Variants in NBAS observed in about 807,000 individuals in gnomAD.
The protein encoded by NBAS is NBAS subunit of NRZ tethering complex.
A neutral mutation model predicts 302.5 loss-of-function variants in NBAS; 219 were observed. That is an observed-to-expected ratio of 0.72 (90% confidence interval 0.65 to 0.81). The LOEUF (loss-of-function observed/expected upper bound fraction) is 0.81. Ranked by LOEUF, NBAS falls within the 30% of genes least tolerant of loss-of-function variation. The probability of loss-of-function intolerance (pLI) is 0.00; values close to 1 mark genes in which losing one functional copy is unlikely to be tolerated. For missense variants in NBAS, 2,932 were observed against 2,841.6 expected (o/e 1.03, Z -0.72); for synonymous variants, 1,118 against 1,021.6 (o/e 1.09, Z -1.80).
intron 45 of NBAS, among the ~76,000 whole-genome samples, chr2:15,235,001 T>C (rs1258342459): frequency 6.6e-6 from 1 of 152,096 alleles, no homozygotes; most frequent in African/African-American, 2.4e-5. Context: ...CAAAATGAGG[T>C]TGAGGAAAAT....
the NBAS span, among the ~76,000 whole-genome samples, chr2:14,793,573 A>C: frequency 6.6e-6 from 1 of 152,164 alleles, no homozygotes; most frequent in Non-Finnish European, 1.5e-5. Flanking sequence ...ATGTGGGGCA[A>C]TTATGAAAGA....
the NBAS span, among the ~76,000 whole-genome samples, chr2:15,131,337 C>T: frequency 1.2e-4 from 19 of 152,182 alleles, no homozygotes; most frequent in African/African-American, 3.6e-4. Flanking sequence ...TTTCCTTCTG[C>T]GACCTCTATT....
At chr2:15,540,234 G>A (rs1002136066) in intron 6 of NBAS, among the ~76,000 whole-genome samples, 1 of 152,034 alleles carries the variant, frequency 6.6e-6, no homozygotes, top group African/African-American at 2.4e-5. Flanking sequence ...CTTGAGTCAA[G>A]AGTAGAACAA....
At chr2:15,166,490 T>C (rs1664024959), downstream of NBAS, among the ~76,000 whole-genome samples, 1 of 152,246 alleles carries the variant, frequency 6.6e-6, no homozygotes, top group African/African-American at 2.4e-5. Flanking sequence ...CAGCTCCGGC[T>C]GTGTATCTGA....
Position 15,193,356 on chromosome 2 carries a change from A to T in NBAS, c.6433-2953T>A, listed in dbSNP as rs570908832. Among the ~76,000 whole-genome samples the T allele has an allele frequency of 1.0e-3, 159 of 152,264 alleles. 3 individuals carry two copies. Among genetic ancestry groups the T allele is most frequent in the African/African-American group, 3.6e-3 (151 of 41,566 alleles). ...CAAGTTACTCAGCTCTTAAGAATGC[A>T]ATTTTAAATTTGCTACCACTGTAGC... On this transcript the variant is annotated intron_variant, in intron 48 of 51. Transcript: ENST00000281513.
chr2:14,915,752 G>T, the NBAS span, among the ~76,000 whole-genome samples: 40 of 152,080 alleles, frequency 2.6e-4, no homozygotes, highest in South Asian at 6.2e-4. Context: ...AGTAGAGATG[G>T]GGTTTCACCA....
At chr2:14,909,161 A>C in the NBAS span, among the ~76,000 whole-genome samples, 1 of 152,002 alleles carries the variant, frequency 6.6e-6, no homozygotes, top group African/African-American at 2.4e-5. Flanking sequence ...TCTACTAAAA[A>C]TACAAAACAT....
chr2:15,519,830 T>C (rs1176955959), intron 9 of NBAS, among the ~76,000 whole-genome samples: 1 of 152,214 alleles, frequency 6.6e-6, no homozygotes, highest in African/African-American at 2.4e-5. Context: ...CTTTACTTTA[T>C]GTTTGAATCT....
the NBAS span, among the ~76,000 whole-genome samples, chr2:15,038,243 G>A: frequency 1.6e-4 from 25 of 151,738 alleles, no homozygotes; most frequent in East Asian, 4.9e-3. Flanking sequence ...TTCCTGAGTA[G>A]CTGGGACTAT....
chr2:15,450,528 T>C (rs1572871410), intron 21 of NBAS, among the ~76,000 whole-genome samples: 1 of 152,128 alleles, frequency 6.6e-6, no homozygotes, highest in South Asian at 2.1e-4. Context: ...GATAGGTGTA[T>C]CTATCTTAAA....
At chr2:15,223,955 G>A (rs1158195594) in intron 47 of NBAS, among the ~76,000 whole-genome samples, 1 of 152,072 alleles carries the variant, frequency 6.6e-6, no homozygotes. Flanking sequence ...ATATTACACT[G>A]CAAATGATAA....
the NBAS span, among the ~76,000 whole-genome samples, chr2:15,074,052 G>T: frequency 2.2e-4 from 33 of 152,072 alleles, no homozygotes; most frequent in African/African-American, 7.7e-4. Context: ...CACCAGATAT[G>T]AAAATATGTT....
chr2:14,784,015 A>C, the NBAS span, among the ~76,000 whole-genome samples: 3 of 152,048 alleles, frequency 2.0e-5, no homozygotes, highest in Non-Finnish European at 2.9e-5. Flanking sequence ...TTGCCACTCT[A>C]ACTGGTGTGA....
rs1020947714 is a variant in NBAS, at chr2:15,512,661, C to T, written c.747-1311G>A. Among the ~76,000 whole-genome samples, 9 of 152,080 alleles carry T rather than the reference C, an allele frequency of 5.9e-5. 1 individual carries two copies. The highest frequency in any genetic ancestry group is 2.0e-4 in the Admixed American group (3 of 15,268). ...TGTAATGTGACACTCACCTGGCCAC[C>T]GCTGGCTTTGAAGGTAGAAGGGGCC... On this transcript the variant is annotated intron_variant, in intron 9 of 51. Transcript: ENST00000281513.
chr2:14,790,535 TA>T, the NBAS span, among the ~76,000 whole-genome samples: 1 of 152,020 alleles, frequency 6.6e-6, no homozygotes, highest in Admixed American at 6.6e-5. Flanking sequence ...TCCTTTCCTC[TA>T]AAAAAGAAAT....
At chr2:15,246,461 C>T (rs1668099770) in intron 44 of NBAS, among the ~76,000 whole-genome samples, 2 of 152,190 alleles carry the variant, frequency 1.3e-5, no homozygotes, top group Non-Finnish European at 2.9e-5. Context: ...TACTGAACAA[C>T]TCTGATCAAC....
downstream of NBAS, among the ~76,000 whole-genome samples, chr2:15,166,228 C>T (rs1664016851): frequency 6.6e-6 from 1 of 152,198 alleles, no homozygotes; most frequent in African/African-American, 2.4e-5. Flanking sequence ...TGGCTGTATG[C>T]ACATCAGCGA....
At chr2:15,478,045 T>G (rs528268573) in intron 13 of NBAS, among the ~76,000 whole-genome samples, 181 bp downstream of exon 13, 1 of 152,380 alleles carries the variant, frequency 6.6e-6, no homozygotes, top group South Asian at 2.1e-4. Flanking sequence ...AGAGCCAGCT[T>G]TTAGGAAAGC....
At chr2:15,325,632 T>C (rs1227279086) in intron 38 of NBAS, among the ~76,000 whole-genome samples, 2 of 152,208 alleles carry the variant, frequency 1.3e-5, no homozygotes, top group Non-Finnish European at 2.9e-5. Context: ...CACTTTGGCT[T>C]AAGGGAATGT....
Sources: gnomAD v4.1 joint callset for allele counts (sites outside exome capture counted in the v4.1 genomes callset) on GRCh38, gnomAD v4.1.1 for gene constraint, MANE v1.5 for transcripts, NCBI Gene and HGNC (gene_info 2026-07-23, HGNC 2026-07-21) for gene names.